Variants in CDC42BPA observed in about 807,000 individuals in gnomAD.
The protein encoded by CDC42BPA is CDC42 binding protein kinase alpha, also known as serine/threonine-protein kinase MRCK alpha.
In CDC42BPA, 80 loss-of-function variants were observed where a neutral mutation model predicts 223.5. The ratio of observed to expected loss-of-function variants is 0.36; its 90% CI spans 0.30 to 0.43. CDC42BPA has a LOEUF of 0.43. CDC42BPA is among the 20% of genes least tolerant of loss of function. The pLI, the probability that CDC42BPA is intolerant of heterozygous loss-of-function variation, is 1.00. For missense variants in CDC42BPA, 1,743 were observed against 2,099.9 expected (o/e 0.83, Z 3.32); for synonymous variants, 694 against 718.6 (o/e 0.97, Z 0.55).
At chr1:227,063,300 T>A (rs914555723) in intron 21 of CDC42BPA, among the ~76,000 whole-genome samples, 4 of 152,208 alleles carry the variant, frequency 2.6e-5, no homozygotes, top group Middle Eastern at 3.4e-3. Flanking sequence ...AAACATGTAT[T>A]TCATATATAG....
At chr1:227,025,608 T>C (rs1312893998) in intron 31 of CDC42BPA, among the ~76,000 whole-genome samples, 1 of 152,174 alleles carries the variant, frequency 6.6e-6, no homozygotes, top group African/African-American at 2.4e-5. Context: ...ATATGAAATA[T>C]TTATTTTTCA....
At chr1:227,226,240 G>A (rs1676846577) in intron 2 of CDC42BPA, among the ~76,000 whole-genome samples, 1 of 152,128 alleles carries the variant, frequency 6.6e-6, no homozygotes, top group African/African-American at 2.4e-5. Flanking sequence ...CATATACTTG[G>A]AGTCTACTCC....
At chr1:227,177,504 T>C (rs1330303129) in intron 5 of CDC42BPA, among the ~76,000 whole-genome samples, 1 of 152,158 alleles carries the variant, frequency 6.6e-6, no homozygotes, top group Non-Finnish European at 1.5e-5. Context: ...ACTGTTTTCC[T>C]CTGGTGCTTT....
intron 5 of CDC42BPA, among the ~76,000 whole-genome samples, chr1:227,175,941 A>G (rs1666880234): frequency 6.6e-6 from 1 of 152,124 alleles, no homozygotes; most frequent in African/African-American, 2.4e-5. Flanking sequence ...CACCACACAG[A>G]GCTGTATGTA....
chr1:227,307,306 T>C (rs923372330), intron 1 of CDC42BPA, among the ~76,000 whole-genome samples: 9 of 152,188 alleles, frequency 5.9e-5, no homozygotes, highest in Non-Finnish European at 5.9e-5. Context: ...AAGGCAAACC[T>C]TCAAACCTTT....
chr1:227,112,559 C>T, intron 13 of CDC42BPA, 112 bp downstream of exon 13: 1 of 927,194 alleles, frequency 1.1e-6, no homozygotes, highest in Non-Finnish European at 1.5e-6. Context: ...TATTAATGAA[C>T]TATAAAAATA....
At chr1:227,094,698 C>T (rs192743615) in intron 15 of CDC42BPA, among the ~76,000 whole-genome samples, 88 of 152,318 alleles carry the variant, frequency 5.8e-4, no homozygotes, top group African/African-American at 1.7e-3. Flanking sequence ...AATGCACATA[C>T]TCATCTAGGA....
chr1:227,071,183 T>C (rs1406126567), intron 20 of CDC42BPA, among the ~76,000 whole-genome samples: 2 of 151,878 alleles, frequency 1.3e-5, no homozygotes, highest in African/African-American at 4.8e-5. Flanking sequence ...TTTTTCTTGT[T>C]AGCTTCTTTA....
intron 1 of CDC42BPA, among the ~76,000 whole-genome samples, chr1:227,254,744 A>C (rs2148292274): frequency 6.6e-6 from 1 of 152,366 alleles, no homozygotes; most frequent in African/African-American, 2.4e-5. Context: ...AAAATTTAAT[A>C]ATGTGATAAA....
rs1009101965 is a variant in CDC42BPA, at chr1:227,030,271, C to T, written c.3838+137G>A. Reference sequence around the variant, plus strand: ...TAAAAATAATCTTTTAATTTATAAACGTCAAATTAGGTCTGGAAAATTTTA... The same window carrying T: ...TAAAAATAATCTTTTAATTTATAAATGTCAAATTAGGTCTGGAAAATTTTA... On this transcript the variant is annotated intron_variant, in intron 29 of 36. Coordinates refer to ENST00000366766, the MANE Select transcript of CDC42BPA (RefSeq NM_001394014.1). 16 of 606,528 alleles carry T rather than the reference C, an allele frequency of 2.6e-5. No homozygotes were observed. In the Middle Eastern group the frequency reaches 1.3e-3, roughly 50 times the overall value. The allele number at this position is 606,528 out of a possible 1,614,324, so 37.6% of individuals were successfully genotyped here.
At chr1:227,225,307 T>C (rs1046531028) in intron 2 of CDC42BPA, among the ~76,000 whole-genome samples, 2 of 152,096 alleles carry the variant, frequency 1.3e-5, no homozygotes, top group African/African-American at 4.8e-5. Flanking sequence ...GGCATGTAAA[T>C]TACTGGATTA....
intron 35 of CDC42BPA, among the ~76,000 whole-genome samples, chr1:226,997,757 G>T (rs577685343): frequency 6.6e-6 from 1 of 152,124 alleles, no homozygotes; most frequent in Non-Finnish European, 1.5e-5. Flanking sequence ...GTAGTTGTGC[G>T]GTTTTGAGTG....
In CDC42BPA at chr1:227,080,906, CT is replaced by C. The variant is rs747437538; in HGVS notation, c.2466del (p.Glu823LysfsTer2). 6.2e-7 allele frequency: 1 copy of C among 1,613,704 alleles called. No individual in the cohort carries two copies. Among genetic ancestry groups the C allele is most frequent in the Non-Finnish European group, 8.5e-7 (1 of 1,179,852 alleles). On this transcript the variant is annotated frameshift_variant, in exon 17 of 37. Coordinates refer to ENST00000366766, the MANE Select transcript of CDC42BPA (RefSeq NM_001394014.1). LOFTEE classifies it high-confidence loss of function. ...AAGAGCACTCACCACTGAATTATTTCTGTGATTTGGGCTTCCCAATGTGCAA... is the reference window on the plus strand; with the variant it reads ...AAGAGCACTCACCACTGAATTATTTCGTGATTTGGGCTTCCCAATGTGCAA... ...ESVAHWEAQI[T>X]EIIQWVSDEK...
intron 2 of CDC42BPA, among the ~76,000 whole-genome samples, chr1:227,215,868 T>A (rs1201956056): frequency 6.6e-6 from 1 of 152,200 alleles, no homozygotes; most frequent in Non-Finnish European, 1.5e-5. Context: ...TACCCTCAAC[T>A]GAATATATCT....
chr1:227,050,929 G>C (rs1673407958), intron 22 of CDC42BPA, among the ~76,000 whole-genome samples: 1 of 152,054 alleles, frequency 6.6e-6, no homozygotes, highest in South Asian at 2.1e-4. Context: ...TTTAATCTGT[G>C]GGTGATATTT....
chr1:227,311,707 A>T (rs6700730), intron 1 of CDC42BPA, among the ~76,000 whole-genome samples: 30,512 of 151,932 alleles, frequency 0.2, 3,122 homozygotes, highest in Middle Eastern at 0.26. Flanking sequence ...GTTCTTTTAA[A>T]TTAAAAATAC....
At chr1:227,142,912 T>C (rs745833833) in intron 9 of CDC42BPA, 33 bp downstream of exon 9, 5 of 1,468,816 alleles carry the variant, frequency 3.4e-6, no homozygotes, top group Non-Finnish European at 3.7e-6. Context: ...GCCACTGCAC[T>C]TGGCCCAAAC....
chr1:227,188,234 C>G (rs1669151238), intron 5 of CDC42BPA, among the ~76,000 whole-genome samples: 1 of 152,032 alleles, frequency 6.6e-6, no homozygotes, highest in African/African-American at 2.4e-5. Context: ...ATACAAGGGA[C>G]AAGAACAAGG....
chr1:227,078,779 G>A (rs1680017059), intron 17 of CDC42BPA, among the ~76,000 whole-genome samples: 1 of 152,050 alleles, frequency 6.6e-6, no homozygotes, highest in Non-Finnish European at 1.5e-5. Context: ...ATGTCATGAG[G>A]TCCTATAATC....
Sources: gnomAD v4.1 joint callset for allele counts (sites outside exome capture counted in the v4.1 genomes callset) on GRCh38, gnomAD v4.1.1 for gene constraint, MANE v1.5 for transcripts, NCBI Gene and HGNC (gene_info 2026-07-23, HGNC 2026-07-21) for gene names.